KITLG: variants seen among roughly 807,000 people sequenced by gnomAD.
The protein encoded by KITLG is c-Kit ligand.
In KITLG, 13 loss-of-function variants were observed where a neutral mutation model predicts 34.1. The ratio of observed to expected loss-of-function variants is 0.38; its 90% CI spans 0.25 to 0.61. KITLG has a LOEUF of 0.61. Ranked by LOEUF, KITLG falls within the 20% of genes least tolerant of loss-of-function variation. The probability of loss-of-function intolerance (pLI) is 0.60; values close to 1 mark genes in which losing one functional copy is unlikely to be tolerated. For synonymous variants in KITLG, 110 were observed against 104.0 expected (o/e 1.06, Z -0.35); for missense variants, 292 against 318.9 (o/e 0.92, Z 0.64).
chr12:88,522,763 T>C (rs1343405275), intron 3 of KITLG, among the ~76,000 whole-genome samples: 1 of 152,158 alleles, frequency 6.6e-6, no homozygotes, highest in Non-Finnish European at 1.5e-5. Context: ...CGGTAAGATT[T>C]ACGGATTAAG....
intron 1 of KITLG, among the ~76,000 whole-genome samples, chr12:88,570,588 C>G (rs554524868): frequency 5.3e-5 from 8 of 151,640 alleles, no homozygotes; most frequent in African/African-American, 1.9e-4. Context: ...TGTATGCATG[C>G]GTGTCTATAT....
intron 1 of KITLG, among the ~76,000 whole-genome samples, chr12:88,576,891 A>T (rs1302207982): frequency 6.7e-6 from 1 of 148,550 alleles, no homozygotes; most frequent in African/African-American, 2.5e-5. Context: ...ACCTATTATT[A>T]AAAAAAAAAT....
At chr12:88,525,690 A>G (rs1592846682) in intron 3 of KITLG, among the ~76,000 whole-genome samples, 1 of 152,230 alleles carries the variant, frequency 6.6e-6, no homozygotes, top group East Asian at 1.9e-4. Context: ...ATATATGATC[A>G]TGTACCCAAG....
intron 3 of KITLG, 84 bp downstream of exon 3, chr12:88,532,357 G>T: frequency 1.0e-6 from 1 of 975,978 alleles, no homozygotes; most frequent in Non-Finnish European, 1.6e-6. Context: ...CTCCTAAATA[G>T]CAGCTAGTGT....
intron 2 of KITLG, among the ~76,000 whole-genome samples, chr12:88,533,428 C>T (rs954607352): frequency 6.6e-6 from 1 of 152,148 alleles, no homozygotes; most frequent in Non-Finnish European, 1.5e-5. Context: ...TTACTGAGAG[C>T]TATACCGGCA....
At chr12:88,566,261 T>G (rs1187379348) in intron 1 of KITLG, among the ~76,000 whole-genome samples, 16 of 152,118 alleles carry the variant, frequency 1.1e-4, no homozygotes, top group Non-Finnish European at 2.2e-4. Flanking sequence ...TCTGGATCCA[T>G]TCTTAGAATG....
At chr12:88,539,485 C>T (rs2120896914) in intron 2 of KITLG, among the ~76,000 whole-genome samples, 1 of 152,160 alleles carries the variant, frequency 6.6e-6, no homozygotes, top group East Asian at 1.9e-4. Flanking sequence ...AAATAACACC[C>T]CCCAAAAAAG....
chr12:88,513,130 G>A (rs1869337864), intron 6 of KITLG, among the ~76,000 whole-genome samples: 1 of 151,748 alleles, frequency 6.6e-6, no homozygotes, highest in South Asian at 2.1e-4. Flanking sequence ...TGTCAATGAT[G>A]ACACAAAAGA....
intron 8 of KITLG, among the ~76,000 whole-genome samples, chr12:88,505,903 GCTTCCT>G (rs902724057): frequency 6.6e-6 from 1 of 152,142 alleles, no homozygotes; most frequent in Non-Finnish European, 1.5e-5. Flanking sequence ...TGATGATAAT[GCTTCCT>G]ACTGAAAGAA....
At chr12:88,499,174 G>A (rs1012423512) in intron 9 of KITLG, among the ~76,000 whole-genome samples, 2 of 152,056 alleles carry the variant, frequency 1.3e-5, no homozygotes, top group Non-Finnish European at 2.9e-5. Flanking sequence ...ACACCAAAGA[G>A]TCAAGGCTTG....
intron 2 of KITLG, among the ~76,000 whole-genome samples, chr12:88,541,499 C>T (rs1870516763): frequency 6.6e-6 from 1 of 152,070 alleles, no homozygotes; most frequent in South Asian, 2.1e-4. Flanking sequence ...GGAGAATACA[C>T]AGAGAAAACT....
At chr12:88,553,645 C>G (rs1313024274) in intron 1 of KITLG, among the ~76,000 whole-genome samples, 1 of 152,100 alleles carries the variant, frequency 6.6e-6, no homozygotes, top group Admixed American at 6.6e-5. Flanking sequence ...AAAGTGTCCC[C>G]CGTTTATTCC....
chr12:88,522,775 A>AGCTGAAAG (rs1003792244), intron 3 of KITLG, among the ~76,000 whole-genome samples: 2 of 152,180 alleles, frequency 1.3e-5, no homozygotes, highest in African/African-American at 4.8e-5. Flanking sequence ...CGGATTAAGA[A>AGCTGAAAG]GCTGAAAGTA....
intron 1 of KITLG, among the ~76,000 whole-genome samples, chr12:88,548,412 C>T (rs532483341): frequency 5.9e-5 from 9 of 151,922 alleles, no homozygotes; most frequent in Admixed American, 2.6e-4. Flanking sequence ...CAAGATTGCG[C>T]CACTGCACTC....
chr12:88,507,637 C>T (rs1869112231), intron 6 of KITLG, among the ~76,000 whole-genome samples: 1 of 152,138 alleles, frequency 6.6e-6, no homozygotes, highest in South Asian at 2.1e-4. Context: ...TTTTAGGTAT[C>T]TCATGCTTAG....
intron 1 of KITLG, among the ~76,000 whole-genome samples, chr12:88,579,863 G>A (rs1871955073): frequency 6.6e-6 from 1 of 152,212 alleles, no homozygotes; most frequent in African/African-American, 2.4e-5. Context: ...AGTGAGGGTG[G>A]CGCGTGGGGT....
rs971083665 is a variant in KITLG, at chr12:88,513,008, T to G, written c.604+2526A>C. On this transcript the variant is annotated intron_variant, in intron 6 of 9. Transcript: ENST00000644744. ...AGGTTAATATAAAAGACAATATATTTCTTCTTCTCTTACTTTAAAATACGT... is the reference window on the plus strand; with the variant it reads ...AGGTTAATATAAAAGACAATATATTGCTTCTTCTCTTACTTTAAAATACGT... Among the ~76,000 whole-genome samples the G allele has an allele frequency of 2.0e-5, 3 of 151,840 alleles. No individual in the cohort carries two copies. The East Asian group carries it at 5.8e-4, about 29-fold the overall frequency.
At chr12:88,556,235 G>T (rs1366013903) in intron 1 of KITLG, among the ~76,000 whole-genome samples, 1 of 145,982 alleles carries the variant, frequency 6.9e-6, no homozygotes, top group Admixed American at 6.8e-5. Context: ...AAAAAAAAAG[G>T]CAAGGCTAGA....
intron 2 of KITLG, among the ~76,000 whole-genome samples, chr12:88,544,735 T>A (rs1363066637): frequency 6.6e-6 from 1 of 152,156 alleles, no homozygotes; most frequent in Non-Finnish European, 1.5e-5. Context: ...ATATTGAGGC[T>A]AAGCTAGCAA....
Sources: gnomAD v4.1 joint callset for allele counts (sites outside exome capture counted in the v4.1 genomes callset) on GRCh38, gnomAD v4.1.1 for gene constraint, MANE v1.5 for transcripts, NCBI Gene and HGNC (gene_info 2026-07-23, HGNC 2026-07-21) for gene names.